The following TFEC variants were observed in gnomAD, a reference collection of about 807,000 sequenced individuals.
TFEC encodes the protein class E basic helix-loop-helix protein 34.
A neutral mutation model predicts 41.6 loss-of-function variants in TFEC; 31 were observed. The observed-to-expected ratio is 0.74, with a 90% CI of 0.56 to 1.01. TFEC has a LOEUF of 1.01. Among genes scored for constraint, TFEC ranks in the 50% least tolerant of loss-of-function variants. The pLI is 0.00. For missense variants in TFEC, 402 were observed against 404.1 expected, an observed-to-expected ratio of 0.99 and a Z score of 0.04; for synonymous variants, 143 against 140.6, an observed-to-expected ratio of 1.02 and a Z score of -0.12.
At position 115,991,764 on chromosome 7, in the gene TFEC, T is replaced by C. The variant is rs560592055; in HGVS notation, c.-72-7251A>G. 6.7e-3 allele frequency among the ~76,000 whole-genome samples: 1,022 copies of C among 152,260 alleles called. 16 individuals are homozygous for C. Among genetic ancestry groups the C allele is most frequent in the African/African-American group, 0.024 (982 of 41,534 alleles). On this transcript the variant is annotated intron_variant, in intron 1 of 7. Coordinates refer to ENST00000265440, the MANE Select transcript of TFEC (RefSeq NM_012252.4). ...CTCCCACACAATAATAATGGGAGACTTTAACACCCCACTGTCAACATTAGA... is the reference window on the plus strand; with the variant it reads ...CTCCCACACAATAATAATGGGAGACCTTAACACCCCACTGTCAACATTAGA...
intron 1 of TFEC, among the ~76,000 whole-genome samples, chr7:115,996,826 A>G (rs1049423925): frequency 6.6e-6 from 1 of 152,138 alleles, no homozygotes; most frequent in Non-Finnish European, 1.5e-5. Context: ...TGGGGCAGTA[A>G]TAGCTTTGGG....
chr7:116,119,918 C>T (rs1798074054), intron 1 of TFEC, among the ~76,000 whole-genome samples: 1 of 148,940 alleles, frequency 6.7e-6, no homozygotes, highest in African/African-American at 2.5e-5. Flanking sequence ...AGTCATGGTT[C>T]AGAATAGTTA....
intron 3 of TFEC, among the ~76,000 whole-genome samples, chr7:115,965,111 G>C (rs1195577334): frequency 1.3e-5 from 2 of 151,536 alleles, no homozygotes; most frequent in East Asian, 3.9e-4. Context: ...CATTAATTAA[G>C]TTTTAACTGA....
chr7:115,974,836 C>A (rs1249551836), intron 2 of TFEC, among the ~76,000 whole-genome samples: 2 of 151,628 alleles, frequency 1.3e-5, no homozygotes, highest in African/African-American at 4.8e-5. Context: ...ATAGCAATAG[C>A]AATAACAAAA....
At chr7:116,150,894 C>T (rs756620087) in intron 1 of TFEC, among the ~76,000 whole-genome samples, 4 of 151,956 alleles carry the variant, frequency 2.6e-5, no homozygotes, top group Admixed American at 1.3e-4. Context: ...TGGCTTTATC[C>T]GGAATCAAAG....
At chr7:116,059,565 G>A (rs190512129) in intron 3 of TFEC, among the ~76,000 whole-genome samples, 106 of 151,962 alleles carry the variant, frequency 7.0e-4, no homozygotes, top group African/African-American at 2.3e-3. Flanking sequence ...TATCCTTTGC[G>A]AGCATAAATG....
At chr7:116,019,871 G>T (rs1163265858) in intron 1 of TFEC, among the ~76,000 whole-genome samples, 1 of 152,142 alleles carries the variant, frequency 6.6e-6, no homozygotes, top group Non-Finnish European at 1.5e-5. Context: ...GAGAGATTAA[G>T]CAACTTGTGT....
At position 116,073,852 on chromosome 7, in the gene TFEC, T is replaced by C. The variant is rs560341049; in HGVS notation, c.198+36856A>G. On this transcript the variant is annotated intron_variant, in intron 3 of 8. Coordinates refer to the TFEC transcript ENST00000484212. Reference sequence around the variant, plus strand: ...ATAGACATAGATCAATAGAATAAAATTGAGAGTCCAGAAATAATAGACATA... The same window carrying C: ...ATAGACATAGATCAATAGAATAAAACTGAGAGTCCAGAAATAATAGACATA... 7.8e-4 allele frequency among the ~76,000 whole-genome samples: 119 copies of C among 151,942 alleles called. 1 individual carries two copies. The highest frequency in any genetic ancestry group is 2.7e-3 in the African/African-American group (113 of 41,478).
chr7:115,979,732 A>G (rs957466038), intron 2 of TFEC, among the ~76,000 whole-genome samples: 3 of 152,128 alleles, frequency 2.0e-5, no homozygotes, highest in Admixed American at 1.3e-4. Flanking sequence ...TCATCTATGT[A>G]TGTTATTCAT....
intron 2 of TFEC, among the ~76,000 whole-genome samples, chr7:115,982,011 C>T (rs1793652780): frequency 6.6e-6 from 1 of 152,074 alleles, no homozygotes; most frequent in Non-Finnish European, 1.5e-5. Flanking sequence ...CTCAGAAAGA[C>T]CCATGTTACA....
intron 1 of TFEC, among the ~76,000 whole-genome samples, chr7:116,122,035 G>T (rs913926199): frequency 2.0e-5 from 3 of 152,002 alleles, no homozygotes; most frequent in Non-Finnish European, 4.4e-5. Flanking sequence ...TCTCTACAGG[G>T]AAATGTTGGA....
At chr7:115,948,697 C>T (rs1468220346) in intron 6 of TFEC, among the ~76,000 whole-genome samples, 4 of 150,260 alleles carry the variant, frequency 2.7e-5, no homozygotes, top group South Asian at 2.1e-4. Flanking sequence ...TGGGACGTAT[C>T]TCAAAATAAT....
chr7:116,007,775 GCAT>G (rs1248704951), intron 1 of TFEC, among the ~76,000 whole-genome samples: 10 of 152,136 alleles, frequency 6.6e-5, no homozygotes, highest in Admixed American at 6.6e-5. Flanking sequence ...CTGTCTACTT[GCAT>G]CATATCTCCT....
At chr7:116,039,946 G>A (rs1285545526) in intron 3 of TFEC, among the ~76,000 whole-genome samples, 1 of 152,060 alleles carries the variant, frequency 6.6e-6, no homozygotes, top group Non-Finnish European at 1.5e-5. Flanking sequence ...GATAAAAGAG[G>A]AGAACTGGGG....
chr7:116,014,685 G>A (rs556013451), intron 1 of TFEC, among the ~76,000 whole-genome samples: 1 of 152,190 alleles, frequency 6.6e-6, no homozygotes, highest in South Asian at 2.1e-4. Context: ...ATTATACAAG[G>A]AGTTTTGTAT....
intron 6 of TFEC, among the ~76,000 whole-genome samples, chr7:115,949,169 A>T (rs1791784947): frequency 6.6e-6 from 1 of 152,146 alleles, no homozygotes; most frequent in Admixed American, 6.5e-5. Flanking sequence ...TTCAAGGAGA[A>T]CTACAAACAA....
At chr7:116,123,385 T>C (rs1798147468) in intron 1 of TFEC, among the ~76,000 whole-genome samples, 1 of 152,142 alleles carries the variant, frequency 6.6e-6, no homozygotes, top group African/African-American at 2.4e-5. Flanking sequence ...GCATTCTATT[T>C]GCAGTTACCT....
intron 1 of TFEC, among the ~76,000 whole-genome samples, chr7:116,144,666 C>T (rs1440581407): frequency 1.3e-5 from 2 of 152,152 alleles, no homozygotes; most frequent in Non-Finnish European, 2.9e-5. Flanking sequence ...TTGACATTTA[C>T]ATCAGTAGAC....
intron 2 of TFEC, 32 bp downstream of exon 2, chr7:115,984,230 G>T (rs764323882): frequency 1.9e-6 from 3 of 1,597,938 alleles, no homozygotes; most frequent in Non-Finnish European, 1.7e-6. Flanking sequence ...AAAAACTGAT[G>T]ATATATTTTT....
Sources: allele counts gnomAD v4.1 joint callset (sites outside exome capture counted in the v4.1 genomes callset), GRCh38; gene constraint gnomAD v4.1.1; transcripts MANE v1.5; gene names NCBI Gene and HGNC (gene_info 2026-07-23, HGNC 2026-07-21).